VSX1: variants seen among roughly 807,000 people sequenced by gnomAD.
VSX1 encodes the protein homeodomain protein RINX.
A neutral mutation model predicts 23.6 loss-of-function variants in VSX1; 23 were observed. The observed-to-expected ratio is 0.97, with a 90% CI of 0.70 to 1.38. VSX1 has a LOEUF of 1.38. Among genes scored for constraint, VSX1 ranks in the 40% most tolerant of loss-of-function variants. The pLI is 0.00. For missense variants in VSX1, 517 were observed against 495.4 expected, an observed-to-expected ratio of 1.04 and a Z score of -0.41; for synonymous variants, 247 against 215.1, an observed-to-expected ratio of 1.15 and a Z score of -1.30.
chr20:25,080,472 C>A (rs1357771295), intron 1 of VSX1, among the ~76,000 whole-genome samples: 2 of 152,152 alleles, frequency 1.3e-5, no homozygotes, highest in African/African-American at 2.4e-5. Context: ...CTTAGTGCTC[C>A]TAAAAAGTAA....
chr20:25,081,438 G>A (rs376551273), intron 1 of VSX1: 10 of 777,966 alleles, frequency 1.3e-5, no homozygotes, highest in Non-Finnish European at 2.1e-5. Flanking sequence ...GGTGGTGGCG[G>A]TCTCACATCG....
At position 25,081,718 on chromosome 20, in the gene VSX1, G is replaced by T; in HGVS notation, c.379C>A (p.Pro127Thr). 1 of 1,501,546 alleles carries T rather than the reference G, an allele frequency of 6.7e-7. No homozygotes were observed. Among genetic ancestry groups the T allele is most frequent in the Non-Finnish European group, 8.8e-7 (1 of 1,133,588 alleles). 93.0% of individuals were successfully genotyped at this position (1,501,546 alleles called of 1,614,324 possible). A position where few individuals can be genotyped will look rare whatever the true frequency, so the allele number is the denominator to read the frequency against. Reference protein sequence around the residue: ...AAPLAPSRPPPALGRQKRSDS... With the variant: ...AAPLAPSRPPTALGRQKRSDS... ...CTGCGCTTCTGGCGGCCGAGCGCAG[G>T]CGGCGGACGGCTGGGAGCCAGCGGG... The change falls in exon 1 of 5, where the codon CCT becomes ACT. Residue 127 changes from proline (P) to threonine (T), a missense_variant. Transcript: ENST00000376709.
chr20:25,081,996 G>A lies in VSX1; in HGVS notation c.101C>T (p.Thr34Met), dbSNP rs1339472435. The A allele has an allele frequency of 7.8e-6, 12 of 1,534,416 alleles. No homozygotes were observed. Among genetic ancestry groups the A allele is most frequent in the East Asian group, 2.4e-5 (1 of 41,036 alleles). Residue 34 changes from threonine (T) to methionine (M), a missense_variant, in exon 1 of 5, where the codon ACG becomes ATG. Physicochemically the swap from Thr to Met is moderately conservative, Grantham distance 81. Coordinates refer to ENST00000376709, the MANE Select transcript of VSX1 (RefSeq NM_014588.6). ...RGSRPRGFAI[T>M]DLLGLEAELP... ...CTCGGCCTCCAAGCCCAGCAGGTCC[G>A]TGATGGCGAAGCCCCGGGGGCGCGA...
In VSX1 at chr20:25,075,850, A is replaced by T. The variant is rs2089477241; in HGVS notation, c.*411T>A. The stretch of plus-strand genomic sequence containing the variant: ...GGAGTCTTCACTATGATGATATCAG[A>T]TTCTTCTGGATATTAAACAATTTTA... On this transcript the variant is annotated 3_prime_UTR_variant, in exon 5 of 5. Transcript: ENST00000376709. 2 of 203,122 alleles carry T rather than the reference A, an allele frequency of 9.8e-6. No homozygotes were observed. The highest frequency in any genetic ancestry group is 1.1e-4 in the Admixed American group (2 of 18,718). 12.6% of individuals were successfully genotyped at this position (203,122 alleles called of 1,614,324 possible).
rs114433625 is a variant in VSX1 at position 25,080,191 on chromosome 20, T to C, written c.425-677A>G. ...CAAAAAGTCTAGATGGAAAAGAAGGTTAGAAGGCCAAACTATTGTGAGATT... is the reference window on the plus strand; with the variant it reads ...CAAAAAGTCTAGATGGAAAAGAAGGCTAGAAGGCCAAACTATTGTGAGATT... On this transcript the variant is annotated intron_variant, in intron 1 of 4. Coordinates refer to ENST00000376709, the MANE Select transcript of VSX1 (RefSeq NM_014588.6). Among the ~76,000 whole-genome samples the C allele has an allele frequency of 1.8e-3, 281 of 152,342 alleles. 1 individual carries two copies. The highest frequency in any genetic ancestry group is 6.5e-3 in the African/African-American group (271 of 41,574).
chr20:25,079,633 G>A (rs1600386373), intron 1 of VSX1, 119 bp from the exon 2 acceptor site: 8 of 1,046,436 alleles, frequency 7.6e-6, no homozygotes, highest in Non-Finnish European at 8.5e-6. Context: ...TTTACAGTAT[G>A]AGCCAGCATT....
intron 4 of VSX1, among the ~76,000 whole-genome samples, 184 bp from the exon 5 acceptor site, chr20:25,076,734 A>T (rs1003611811): frequency 6.6e-6 from 1 of 152,124 alleles, no homozygotes; most frequent in Non-Finnish European, 1.5e-5. Flanking sequence ...CAGGTGTCTG[A>T]CCCCGGGTCA....
rs201313323 is a variant in VSX1 at position 25,078,861 on chromosome 20, C to A, written c.595G>T (p.Val199Leu). ...PDVYAREMLA[V>L]KTELPEDRIQ... ...CGGTCTTCGGGGAGCTCAGTTTTCACAGCCAGCATTTCTCGGGCATACACA... is the reference window on the plus strand; with the variant it reads ...CGGTCTTCGGGGAGCTCAGTTTTCAAAGCCAGCATTTCTCGGGCATACACA... Residue 199 changes from valine (V) to leucine (L), a missense_variant, in exon 3 of 5, where the codon GTG (valine) becomes TTG (leucine). Val to Leu is a conservative substitution (Grantham distance 32, BLOSUM62 1). Coordinates refer to ENST00000376709, the MANE Select transcript of VSX1 (RefSeq NM_014588.6). 1.3e-5 allele frequency: 21 copies of A among 1,614,186 alleles called. No individual in the cohort carries two copies. The East Asian group carries it at 4.7e-4, about 36-fold the overall frequency.
Position 25,079,426 on chromosome 20 carries a change from G to C in VSX1, c.503+10C>G. 1 of 1,609,592 alleles carries C rather than the reference G, an allele frequency of 6.2e-7. No individual in the cohort carries two copies. Among genetic ancestry groups the C allele is most frequent in the Non-Finnish European group, 8.5e-7 (1 of 1,178,538 alleles). On this transcript the variant is annotated intron_variant, in intron 2 of 4. Transcript: ENST00000376709. ...GAAAGGCAGGCAGAGGGGACTGCCTGGCCCTATACCTGTGCCGCCGCTTCT... is the reference window on the plus strand; with the variant it reads ...GAAAGGCAGGCAGAGGGGACTGCCTCGCCCTATACCTGTGCCGCCGCTTCT...
Position 25,081,923 on chromosome 20 carries a change from C to A in VSX1, c.174G>T (p.Pro58=), listed in dbSNP as rs141241716. 9,417 of 1,530,660 alleles carry A rather than the reference C, an allele frequency of 6.2e-3. 35 individuals are homozygous for A. Among genetic ancestry groups the A allele is most frequent in the Non-Finnish European group, 7.4e-3 (8,451 of 1,145,024 alleles). The allele number at this position is 1,530,660 out of a possible 1,614,324, so 94.8% of individuals were successfully genotyped here. Residue 58 remains proline, a synonymous_variant, in exon 1 of 5, where the codon CCG becomes CCT. Coordinates refer to ENST00000376709, the MANE Select transcript of VSX1 (RefSeq NM_014588.6). ...CCGGGCCCGGGCACGGCGCGACTGC[C>A]GGACCCTCGCAGCCAGATCCCTGTC... ...GPGQGSGCEG[P]AVAPCPGPGL...
chr20:25,078,419 T>C, intron 3 of VSX1: 1 of 584,594 alleles, frequency 1.7e-6, no homozygotes, highest in Non-Finnish European at 2.4e-6. Flanking sequence ...AGTGTGTGTA[T>C]ATATGCATGT....
At chr20:25,073,642 G>T (rs1014275129), downstream of VSX1, among the ~76,000 whole-genome samples, 4 of 152,234 alleles carry the variant, frequency 2.6e-5, no homozygotes, top group Admixed American at 2.6e-4. Flanking sequence ...AGCGTGACAT[G>T]CAGTGCTGAC....
At chr20:25,078,125 T>C in intron 3 of VSX1, 1 of 565,002 alleles carries the variant, frequency 1.8e-6, no homozygotes, top group Non-Finnish European at 3.2e-6. Flanking sequence ...CCACTGAAGT[T>C]TCCATAGAGT....
rs2089492307 is a variant in VSX1, at chr20:25,076,387, C to A, written c.972G>T (p.Val324=). 2 of 1,614,054 alleles carry A rather than the reference C, an allele frequency of 1.2e-6. No individual in the cohort carries two copies. The highest frequency in any genetic ancestry group is 1.7e-6 in the Non-Finnish European group (2 of 1,180,002). ...GGGCAGAGCTGGAGAGGTCAATAGC[C>A]ACATCTTCCAAGCCATTCTCAGGGC... ...KVSPENGLED[V]AIDLSSSARQ... The change falls in exon 5 of 5, where the codon GTG becomes GTT. Residue 324 remains valine (V), a synonymous_variant. Transcript: ENST00000376709.
At chr20:25,079,336 C>G (rs1044096555) in intron 2 of VSX1, 100 bp downstream of exon 2, 20 of 1,261,468 alleles carry the variant, frequency 1.6e-5, no homozygotes, top group Non-Finnish European at 2.1e-5. Flanking sequence ...ACCACTGGGC[C>G]TGCTATCATG....
chr20:25,077,693 C>T lies in VSX1; in HGVS notation c.800G>A (p.Trp267Ter). 6.5e-7 allele frequency: 1 copy of T among 1,548,514 alleles called. No individual in the cohort carries two copies. The highest frequency in any genetic ancestry group is 1.2e-5 in the South Asian group (1 of 84,002). Residue 267 changes from tryptophan to a stop codon, truncating the protein, a stop_gained, in exon 4 of 5, where the codon TGG (tryptophan) becomes TAG (stop). Transcript: ENST00000376709. LOFTEE classifies it low-confidence loss of function (END_TRUNC). ...EGGLLGSCAPWLLGMHKKSMG... is the reference protein window; with the variant it reads ...EGGLLGSCAP ...CGGGGGCCCTTCCTTACCCAGGAGC[C>T]AGGGCGCGCAGGAGCCCAGCAGGCC...
chr20:25,076,620 C>T (rs2089499092), intron 4 of VSX1, 70 bp from the exon 5 acceptor site: 4 of 1,498,456 alleles, frequency 2.7e-6, no homozygotes, highest in South Asian at 1.2e-5. Context: ...AGTAAATTTC[C>T]TTCTTATTGT....
chr20:25,071,483 C>T (rs1600369347), downstream of VSX1: 3 of 438,256 alleles, frequency 6.8e-6, 1 homozygote, highest in Admixed American at 7.4e-5. Flanking sequence ...CACTCAGGGT[C>T]TTTTTTTTTT....
chr20:25,076,341 G>T lies in VSX1; in HGVS notation c.1018C>A (p.His340Asn), dbSNP rs1486261391. The T allele has an allele frequency of 6.2e-7, 1 of 1,614,172 alleles. No homozygotes were observed. The highest frequency in any genetic ancestry group is 8.5e-7 in the Non-Finnish European group (1 of 1,180,020). The change falls in exon 5 of 5, where the codon CAC becomes AAC. Residue 340 changes from histidine (H) to asparagine (N), a missense_variant. Physicochemically the swap from His to Asn is moderately conservative, Grantham distance 68. Coordinates refer to ENST00000376709, the MANE Select transcript of VSX1 (RefSeq NM_014588.6). ...CCTCCTTGAGCACCAGCCCCAGGGT[G>T]CACTTTCTTGGTCTCCTGCCGGGCA... is the stretch of plus-strand genomic sequence containing the variant. ...SSARQETKKV[H>N]PGAGAQGGSN...
Sources: allele counts gnomAD v4.1 joint callset (sites outside exome capture counted in the v4.1 genomes callset), GRCh38; gene constraint gnomAD v4.1.1; transcripts MANE v1.5; gene names NCBI Gene and HGNC (gene_info 2026-07-23, HGNC 2026-07-21).